COG7: variants seen among roughly 807,000 people sequenced by gnomAD.
COG7 encodes conserved oligomeric Golgi complex subunit 7.
Under a neutral mutation model 91.5 loss-of-function variants are expected in COG7, and 49 were observed. The ratio of observed to expected loss-of-function variants is 0.54; its 90% CI spans 0.43 to 0.68. The LOEUF (loss-of-function observed/expected upper bound fraction) is 0.68, where lower values mean the gene tolerates loss of function less well. Ranked by LOEUF, COG7 falls within the 30% of genes least tolerant of loss-of-function variation. The pLI is 0.00. For synonymous variants in COG7, 365 were observed against 388.7 expected (o/e 0.94, Z 0.72); for missense variants, 895 against 961.3 (o/e 0.93, Z 0.91).
rs1964186374 is a variant in COG7, at chr16:23,446,563, TG to T, written c.170-603del. ...GCCTCCCAGGTTCAAGTGATTCTCC[TG>T]CCTCAGCCTCCTGAGTAGCTGGTTT... On this transcript the variant is annotated intron_variant, in intron 1 of 16. Transcript: ENST00000307149. 2.0e-5 allele frequency: 3 copies of T among 152,232 alleles called. No homozygotes were observed. The East Asian group carries it at 6.1e-4, about 31-fold the overall frequency. The allele number at this position is 152,232 out of a possible 1,614,324, so 9.4% of individuals were successfully genotyped here. A position where few individuals can be genotyped will look rare whatever the true frequency, so the allele number is the denominator to read the frequency against.
chr16:23,389,503 T>C (rs1270989978), intron 16 of COG7, among the ~76,000 whole-genome samples: 1 of 151,858 alleles, frequency 6.6e-6, no homozygotes, highest in African/African-American at 2.4e-5. Flanking sequence ...AGCACCAGTC[T>C]GAAGGACCAG....
intron 1 of COG7, among the ~76,000 whole-genome samples, chr16:23,451,670 G>A (rs1315104196): frequency 6.8e-6 from 1 of 146,104 alleles, no homozygotes; most frequent in Non-Finnish European, 1.5e-5. Context: ...AGTGAACTAT[G>A]ATGGTATCAC....
intron 7 of COG7, among the ~76,000 whole-genome samples, chr16:23,423,741 ACAG>A (rs554313319): frequency 3.9e-5 from 6 of 152,364 alleles, no homozygotes; most frequent in African/African-American, 1.4e-4. Flanking sequence ...CAGCCGCCGA[ACAG>A]CAGAACAAGG....
chr16:23,406,050 A>C, intron 12 of COG7, 26 bp downstream of exon 12: 2 of 1,606,428 alleles, frequency 1.2e-6, no homozygotes, highest in African/African-American at 2.7e-5. Context: ...TTCATTTGCA[A>C]GAATGCCATT....
Position 23,389,657 on chromosome 16 carries a change from C to T in COG7, c.2147-571G>A, listed in dbSNP as rs116907012. ...AGTTACTAAAGACCTCCAGTCAGAA[C>T]GCCGCAGTGAAGACAAGGACAGTGT... On this transcript the variant is annotated intron_variant, in intron 16 of 16. Transcript: ENST00000307149. Among the ~76,000 whole-genome samples the T allele has an allele frequency of 6.8e-4, 104 of 152,268 alleles. No homozygotes were observed. In the East Asian group the frequency reaches 0.018, roughly 26 times the overall value.
intron 16 of COG7, among the ~76,000 whole-genome samples, chr16:23,391,690 G>T (rs569176376): frequency 6.6e-6 from 1 of 152,316 alleles, no homozygotes; most frequent in Admixed American, 6.5e-5. Context: ...GGTGCGTTAG[G>T]CTAAAGAGCA....
chr16:23,431,910 AGT>A (rs1963941179), intron 6 of COG7, among the ~76,000 whole-genome samples: 1 of 151,796 alleles, frequency 6.6e-6, no homozygotes, highest in African/African-American at 2.4e-5. Flanking sequence ...GGGAGGCCAA[AGT>A]GGGAGGATTA....
intron 4 of COG7, among the ~76,000 whole-genome samples, chr16:23,440,739 G>A (rs1964087618): frequency 6.6e-6 from 1 of 152,146 alleles, no homozygotes; most frequent in South Asian, 2.1e-4. Flanking sequence ...TTACAGGCAT[G>A]AGCCACTGCA....
intron 6 of COG7, among the ~76,000 whole-genome samples, chr16:23,428,341 T>TCTGGATC (rs1567341628): frequency 6.6e-6 from 1 of 151,708 alleles, no homozygotes; most frequent in Non-Finnish European, 1.5e-5. Flanking sequence ...AGAGCAAGAC[T>TCTGGATC]CTGTCTCAAA....
Position 23,453,108 on chromosome 16 carries a change from C to T in COG7, c.-114G>A. The T allele has an allele frequency of 6.5e-7, 1 of 1,535,168 alleles. No individual in the cohort carries two copies. The highest frequency in any genetic ancestry group is 8.8e-7 in the Non-Finnish European group (1 of 1,138,268). ...CACCGAGGCTAGCCTCCGAGGCGAA[C>T]CCCAGAAACGCCAGGACGGGTAACT... is the stretch of plus-strand genomic sequence containing the variant. On this transcript the variant is annotated 5_prime_UTR_variant, in exon 1 of 17. Coordinates refer to ENST00000307149, the MANE Select transcript of COG7 (RefSeq NM_153603.4).
intron 6 of COG7, among the ~76,000 whole-genome samples, chr16:23,427,703 C>T (rs904718489): frequency 6.6e-6 from 1 of 152,110 alleles, no homozygotes; most frequent in Non-Finnish European, 1.5e-5. Flanking sequence ...GAAAACTGCC[C>T]TCTGACTCTC....
At chr16:23,420,257 A>G (rs1596933719) in intron 7 of COG7, among the ~76,000 whole-genome samples, 1 of 152,372 alleles carries the variant, frequency 6.6e-6, no homozygotes, top group East Asian at 1.9e-4. Context: ...ACAGTAATTC[A>G]ATTCCTGAAA....
At position 23,418,488 on chromosome 16, in the gene COG7, G is replaced by A. The variant is rs117712486; in HGVS notation, c.1137+212C>T. Among the ~76,000 whole-genome samples the A allele has an allele frequency of 0.022, 3,333 of 152,260 alleles. 54 individuals carry two copies. The highest frequency in any genetic ancestry group is 0.036 in the Non-Finnish European group (2,444 of 68,020). ...CGCACCACTACACTCCAGCCTGGGC[G>A]ACAGATGGAGACTCTGTCTCAATCC... On this transcript the variant is annotated intron_variant, in intron 8 of 16. Coordinates refer to ENST00000307149, the MANE Select transcript of COG7 (RefSeq NM_153603.4).
intron 8 of COG7, 111 bp downstream of exon 8, chr16:23,418,589 A>G (rs1963694752): frequency 1.1e-6 from 1 of 906,500 alleles, no homozygotes; most frequent in African/African-American, 1.6e-5. Context: ...CAAGTGCTTA[A>G]AGGTCATATT....
rs147138599 is a variant in COG7, at chr16:23,392,459, T to C, written c.2067A>G (p.Thr689=). 1.9e-5 allele frequency: 30 copies of C among 1,614,052 alleles called. No individual in the cohort carries two copies. The highest frequency in any genetic ancestry group is 2.5e-5 in the Non-Finnish European group (29 of 1,180,038). ...DNWLGSIARA[T]MQTYCDAILQ... Reference sequence around the variant, plus strand: ...GGATCGCATCACAGTAGGTCTGCATTGTGGCTCTGGCGATCGAGCCCAGCC... The same window carrying C: ...GGATCGCATCACAGTAGGTCTGCATCGTGGCTCTGGCGATCGAGCCCAGCC... Residue 689 remains threonine (T), a synonymous_variant, in exon 16 of 17, where the codon ACA becomes ACG. Transcript: ENST00000307149.
At chr16:23,434,756 T>C (rs1368443473) in intron 4 of COG7, 38 bp from the exon 5 acceptor site, 3 of 1,450,010 alleles carry the variant, frequency 2.1e-6, no homozygotes, top group Admixed American at 3.4e-5. Flanking sequence ...GTTACCAGCC[T>C]TTCTGGTGTA....
At chr16:23,429,853 C>T (rs926471502) in intron 6 of COG7, among the ~76,000 whole-genome samples, 2 of 152,124 alleles carry the variant, frequency 1.3e-5, no homozygotes, top group Non-Finnish European at 2.9e-5. Flanking sequence ...ACAAACAACA[C>T]GAGCAAATCT....
In COG7 at chr16:23,452,912, G is replaced by A. The variant is rs138006453; in HGVS notation, c.83C>T (p.Ala28Val). ...NAAFRAGSKE[A>V]ASGKADGHAA... is the part of the protein sequence containing the mutation. ...GTGGCCATCCGCCTTCCCGGACGCC[G>A]CCTCCTTGGAGCCGGCCCTGAAGGC... is the stretch of plus-strand genomic sequence containing the variant. Residue 28 changes from alanine (A) to valine (V), a missense_variant, in exon 1 of 17, where the codon GCG (alanine) becomes GTG (valine). Ala to Val is a moderately conservative substitution (Grantham distance 64, BLOSUM62 0). Transcript: ENST00000307149. 1 of 1,614,064 alleles carries A rather than the reference G, an allele frequency of 6.2e-7. No individual in the cohort carries two copies. Among genetic ancestry groups the A allele is most frequent in the South Asian group, 1.1e-5 (1 of 91,084 alleles).
At chr16:23,398,300 G>T (rs755293018) in intron 13 of COG7, among the ~76,000 whole-genome samples, 171 bp from the exon 14 acceptor site, 4 of 152,158 alleles carry the variant, frequency 2.6e-5, no homozygotes, top group Non-Finnish European at 5.9e-5. Flanking sequence ...CTTCTTTAAA[G>T]CTTCACCTGG....
Sources: gnomAD v4.1 joint callset for allele counts (sites outside exome capture counted in the v4.1 genomes callset) on GRCh38, gnomAD v4.1.1 for gene constraint, MANE v1.5 for transcripts, NCBI Gene and HGNC (gene_info 2026-07-23, HGNC 2026-07-21) for gene names.